Variants in SPATA13 observed in about 807,000 individuals in gnomAD.
SPATA13 encodes the protein spermatogenesis-associated protein 13.
SPATA13 carries 50 observed loss-of-function variants against 104.0 expected under a neutral mutation model. The ratio of observed to expected loss-of-function variants is 0.48; its 90% confidence interval spans 0.38 to 0.61. SPATA13 has a LOEUF of 0.61. SPATA13 is among the 20% of genes least tolerant of loss of function. The pLI is 0.00. For synonymous variants in SPATA13, 606 were observed against 667.5 expected (o/e 0.91, Z 1.42); for missense variants, 1,524 against 1,690.6 (o/e 0.90, Z 1.73).
At chr13:24,194,650 C>A (rs940220273) in intron 1 of SPATA13, among the ~76,000 whole-genome samples, 6 of 152,204 alleles carry the variant, frequency 3.9e-5, no homozygotes, top group African/African-American at 1.2e-4. Flanking sequence ...ACCGACTGGT[C>A]TGCCGCTTTC....
chr13:24,106,627 G>A (rs989789012), intron 3 of SPATA13, among the ~76,000 whole-genome samples: 7 of 152,152 alleles, frequency 4.6e-5, no homozygotes, highest in African/African-American at 1.7e-4. Flanking sequence ...CTGACAATTC[G>A]GTGATTGTTT....
upstream of SPATA13, among the ~76,000 whole-genome samples, chr13:24,160,283 T>G (rs935336939): frequency 6.6e-6 from 1 of 152,112 alleles, no homozygotes; most frequent in African/African-American, 2.4e-5. Context: ...TCTGGCTGTG[T>G]CCTCCAGGTT....
chr13:24,264,398 A>G (rs1874198724), intron 4 of SPATA13, among the ~76,000 whole-genome samples: 1 of 152,054 alleles, frequency 6.6e-6, no homozygotes. Context: ...TCTTACAGAC[A>G]AGGTCAGGCC....
intron 3 of SPATA13, among the ~76,000 whole-genome samples, chr13:24,131,169 TA>T (rs1881380243): frequency 6.6e-6 from 1 of 152,252 alleles, no homozygotes; most frequent in Non-Finnish European, 1.5e-5. Flanking sequence ...GTCCACTTAT[TA>T]GGTGGCTGCT....
intron 4 of SPATA13, among the ~76,000 whole-genome samples, chr13:24,257,538 G>A (rs1026630048): frequency 6.6e-6 from 1 of 151,844 alleles, no homozygotes; most frequent in Non-Finnish European, 1.5e-5. Flanking sequence ...CACAAACTTG[G>A]CAAGTTGACT....
chr13:24,111,297 C>T (rs771411582), intron 3 of SPATA13, among the ~76,000 whole-genome samples: 3 of 152,082 alleles, frequency 2.0e-5, no homozygotes, highest in Non-Finnish European at 2.9e-5. Flanking sequence ...TCTCCATCTC[C>T]GTTGCTAGTA....
At chr13:24,001,250 C>T (rs374617967) in intron 2 of SPATA13, among the ~76,000 whole-genome samples, 11 of 152,208 alleles carry the variant, frequency 7.2e-5, no homozygotes, top group African/African-American at 2.2e-4. Context: ...AGTGTTACAT[C>T]GCTGAGGTGG....
At chr13:24,173,740 C>T (rs1204010593) in intron 1 of SPATA13, among the ~76,000 whole-genome samples, 1 of 152,020 alleles carries the variant, frequency 6.6e-6, no homozygotes, top group Non-Finnish European at 1.5e-5. Flanking sequence ...CTTCTTCAGC[C>T]TGTTAATATG....
At chr13:24,275,505 T>A (rs1874911843) in intron 4 of SPATA13, among the ~76,000 whole-genome samples, 1 of 152,276 alleles carries the variant, frequency 6.6e-6, no homozygotes, top group Non-Finnish European at 1.5e-5. Context: ...TCTACCTGAC[T>A]GAAGCTGCGG....
chr13:24,108,337 C>G (rs1339586754), intron 3 of SPATA13, among the ~76,000 whole-genome samples: 1 of 152,208 alleles, frequency 6.6e-6, no homozygotes, highest in African/African-American at 2.4e-5. Context: ...ACCTTTGCAC[C>G]GAGGCTTAAA....
At chr13:24,050,806 C>G (rs757933157) in intron 3 of SPATA13, among the ~76,000 whole-genome samples, 4 of 152,202 alleles carry the variant, frequency 2.6e-5, no homozygotes, top group Non-Finnish European at 4.4e-5. Flanking sequence ...CCTCATGCCA[C>G]CCACCACGTG....
intron 2 of SPATA13, among the ~76,000 whole-genome samples, chr13:24,226,948 G>A (rs1430773941): frequency 6.6e-6 from 1 of 152,198 alleles, no homozygotes. Context: ...TGAGGTTCCC[G>A]TGGAGAGCTC....
At position 24,173,362 on chromosome 13, in the gene SPATA13, TTGTGTGTGTGTGTGTGTGTG is replaced by T. The variant is rs60850610; in HGVS notation, c.-112+12451_-112+12470del. On this transcript the variant is annotated intron_variant, in intron 1 of 12. Transcript: ENST00000382108. The stretch of plus-strand genomic sequence containing the variant: ...GTGGAACTCACTCATTAGTTCTTAG[TTGTGTGTGTGTGTGTGTGTG>T]TGTGTGTGTGTGTGTGTGTGGTAGA... Among the ~76,000 whole-genome samples the T allele has an allele frequency of 5.8e-4, 85 of 146,830 alleles. 1 individual carries two copies. Among genetic ancestry groups the T allele is most frequent in the Admixed American group, 1.7e-3 (25 of 14,800 alleles).
rs1876387001 is a variant in SPATA13, at chr13:24,009,779, G to T, written c.-146-7888G>T. ...TGTAAATGTTTCTTATCAGACTTAAGGTCTGTTGATGTTAACTCTGGTCGG... is the reference window on the plus strand; with the variant it reads ...TGTAAATGTTTCTTATCAGACTTAATGTCTGTTGATGTTAACTCTGGTCGG... On this transcript the variant is annotated intron_variant, in intron 2 of 14. Coordinates refer to the SPATA13 transcript ENST00000424834. 2.0e-5 allele frequency among the ~76,000 whole-genome samples: 3 copies of T among 152,318 alleles called. No individual in the cohort carries two copies. In the South Asian group the frequency reaches 6.2e-4, roughly 32 times the overall value.
intron 3 of SPATA13, among the ~76,000 whole-genome samples, chr13:24,081,847 G>T (rs1879531381): frequency 1.3e-5 from 2 of 152,318 alleles, no homozygotes; most frequent in African/African-American, 4.8e-5. Context: ...TAAACCCCAG[G>T]TTGCCTTTCA....
intron 2 of SPATA13, among the ~76,000 whole-genome samples, chr13:24,014,458 C>T (rs944999456): frequency 1.3e-5 from 2 of 152,078 alleles, no homozygotes; most frequent in Non-Finnish European, 2.9e-5. Flanking sequence ...GAAGCCTTAC[C>T]GATAATGTGT....
intron 4 of SPATA13, among the ~76,000 whole-genome samples, chr13:24,258,844 A>G (rs1873918577): frequency 6.6e-6 from 1 of 152,250 alleles, no homozygotes; most frequent in Non-Finnish European, 1.5e-5. Context: ...AACACTTTCT[A>G]CCACAGAAAC....
At chr13:24,287,576 A>G (rs1876046711) in intron 7 of SPATA13, among the ~76,000 whole-genome samples, 2 of 152,214 alleles carry the variant, frequency 1.3e-5, no homozygotes, top group South Asian at 4.1e-4. Flanking sequence ...CAAAGAGTCA[A>G]AGGTTTGTCA....
At chr13:24,228,519 A>G (rs1056443776) in intron 2 of SPATA13, among the ~76,000 whole-genome samples, 5 of 152,200 alleles carry the variant, frequency 3.3e-5, no homozygotes, top group African/African-American at 1.2e-4. Flanking sequence ...TTACTTGTAG[A>G]GAAGTGCTTG....
Sources: gnomAD v4.1 joint callset for allele counts (sites outside exome capture counted in the v4.1 genomes callset) on GRCh38, gnomAD v4.1.1 for gene constraint, MANE v1.5 for transcripts, NCBI Gene and HGNC (gene_info 2026-07-23, HGNC 2026-07-21) for gene names.